GRAMD1B: variants seen among roughly 807,000 people sequenced by gnomAD.
GRAMD1B encodes the protein protein Aster-B.
Under a neutral mutation model 99.7 loss-of-function variants are expected in GRAMD1B, and 37 were observed. That is an observed-to-expected ratio of 0.37 (90% confidence interval 0.29 to 0.49). The LOEUF (loss-of-function observed/expected upper bound fraction) is 0.49, where lower values mean the gene tolerates loss of function less well. GRAMD1B is among the 20% of genes least tolerant of loss of function. GRAMD1B has a pLI of 0.98. For missense variants in GRAMD1B, 888 were observed against 1,009.2 expected, an observed-to-expected ratio of 0.88 and a Z score of 1.63; for synonymous variants, 427 against 387.6, an observed-to-expected ratio of 1.10 and a Z score of -1.19.
intron 7 of GRAMD1B, among the ~76,000 whole-genome samples, chr11:123,597,565 G>T (rs538652448): frequency 6.6e-6 from 1 of 152,198 alleles, no homozygotes; most frequent in East Asian, 1.9e-4. Flanking sequence ...AGCAACAAAG[G>T]AGGGTGGGGA....
chr11:123,386,285 G>T (rs1947054596), intron 1 of GRAMD1B, among the ~76,000 whole-genome samples: 1 of 152,024 alleles, frequency 6.6e-6, no homozygotes, highest in African/African-American at 2.4e-5. Flanking sequence ...GATTTGTAGG[G>T]GTGGCTTCCA....
At chr11:123,441,272 C>A (rs1311583542) in intron 1 of GRAMD1B, among the ~76,000 whole-genome samples, 1 of 152,078 alleles carries the variant, frequency 6.6e-6, no homozygotes, top group Non-Finnish European at 1.5e-5. Context: ...TGGCACCAAA[C>A]CTTTCATAAG....
intron 1 of GRAMD1B, among the ~76,000 whole-genome samples, chr11:123,419,918 C>A (rs1230463258): frequency 6.6e-6 from 1 of 152,024 alleles, no homozygotes; most frequent in South Asian, 2.1e-4. Context: ...GAATGGAACC[C>A]AGTGTCCTTG....
intron 2 of GRAMD1B, among the ~76,000 whole-genome samples, chr11:123,552,735 G>T (rs1041301977): frequency 2.0e-5 from 3 of 152,116 alleles, no homozygotes; most frequent in Non-Finnish European, 2.9e-5. Context: ...TTGCAGGTGT[G>T]CTCATTATCT....
intron 1 of GRAMD1B, among the ~76,000 whole-genome samples, chr11:123,383,101 T>C (rs1387804775): frequency 1.3e-5 from 2 of 152,280 alleles, no homozygotes; most frequent in South Asian, 2.1e-4. Flanking sequence ...CAGAGTTGAA[T>C]GTGTAATGGT....
chr11:123,530,317 G>A (rs755937308), intron 2 of GRAMD1B, among the ~76,000 whole-genome samples: 53 of 152,060 alleles, frequency 3.5e-4, no homozygotes, highest in Non-Finnish European at 6.6e-4. Flanking sequence ...TGGCAAGTGG[G>A]GTGCTGTTCA....
rs1955565852 is a variant in GRAMD1B at position 123,627,533 on chromosome 11, C to T, written c.*4938C>T. The T allele has an allele frequency of 6.6e-6, 1 of 152,362 alleles. No homozygotes were observed. The highest frequency in any genetic ancestry group is 6.5e-5 in the Admixed American group (1 of 15,286). 9.4% of individuals were successfully genotyped at this position (152,362 alleles called of 1,614,324 possible). A position where few individuals can be genotyped will look rare whatever the true frequency, so the allele number is the denominator to read the frequency against. ...GTGGGGTGAGGCAGAGGGAGCAGCC[C>T]CAACACCTGCACTGGGCCATCTATG... On this transcript the variant is annotated 3_prime_UTR_variant, in exon 20 of 20. Coordinates refer to ENST00000635736, the MANE Select transcript of GRAMD1B (RefSeq NM_001387025.1).
At chr11:123,392,968 T>C (rs1947332086) in intron 1 of GRAMD1B, among the ~76,000 whole-genome samples, 1 of 152,230 alleles carries the variant, frequency 6.6e-6, no homozygotes, top group Non-Finnish European at 1.5e-5. Context: ...GAATGCCTTT[T>C]GTATCTTCAG....
intron 16 of GRAMD1B, among the ~76,000 whole-genome samples, chr11:123,614,279 C>T (rs1057088626): frequency 2.0e-5 from 3 of 152,126 alleles, no homozygotes; most frequent in Non-Finnish European, 4.4e-5. Context: ...TGCCGCCTAG[C>T]TTTACCCCTA....
chr11:123,468,004 C>T (rs1950789012), intron 1 of GRAMD1B, among the ~76,000 whole-genome samples: 2 of 151,974 alleles, frequency 1.3e-5, no homozygotes, highest in African/African-American at 2.4e-5. Context: ...GCTGGGATTA[C>T]AGGCATGCCC....
intron 1 of GRAMD1B, among the ~76,000 whole-genome samples, chr11:123,450,206 T>C (rs1176502500): frequency 1.8e-4 from 27 of 152,174 alleles, no homozygotes; most frequent in Admixed American, 1.6e-3. Context: ...TAGGTTTTTT[T>C]CCCCACCAAA....
chr11:123,490,245 G>A (rs1271016637), intron 2 of GRAMD1B, among the ~76,000 whole-genome samples: 1 of 152,226 alleles, frequency 6.6e-6, no homozygotes, highest in Non-Finnish European at 1.5e-5. Flanking sequence ...GGGCCAAGGT[G>A]TAAGGCTTGG....
chr11:123,578,806 GC>G (rs1180748856), intron 3 of GRAMD1B, among the ~76,000 whole-genome samples: 4 of 152,280 alleles, frequency 2.6e-5, no homozygotes, highest in Admixed American at 6.5e-5. Flanking sequence ...TGTACTCCAG[GC>G]CCCTCCCCTT....
chr11:123,421,376 T>A (rs557011457), intron 1 of GRAMD1B, among the ~76,000 whole-genome samples: 5 of 152,374 alleles, frequency 3.3e-5, no homozygotes, highest in African/African-American at 1.2e-4. Flanking sequence ...GTTTGTTTTT[T>A]AATTATTCTC....
intron 2 of GRAMD1B, among the ~76,000 whole-genome samples, chr11:123,536,617 G>T (rs1565343378): frequency 1.3e-5 from 2 of 152,032 alleles, no homozygotes; most frequent in African/African-American, 2.4e-5. Context: ...AGAAAACATG[G>T]CTACAGTCCT....
chr11:123,383,924 G>T (rs531836967), intron 1 of GRAMD1B, among the ~76,000 whole-genome samples: 5 of 152,068 alleles, frequency 3.3e-5, no homozygotes, highest in African/African-American at 9.6e-5. Context: ...AGGCTGGAGT[G>T]CAGTGACGCG....
rs1938719002 is a variant in GRAMD1B at position 123,492,857 on chromosome 11, T to TCACACACAC, written c.452+11964_452+11965insCACACACAC. On this transcript the variant is annotated intron_variant, in intron 2 of 19. Coordinates refer to ENST00000635736, the MANE Select transcript of GRAMD1B (RefSeq NM_001387025.1). This position sits in a 1 kb window ranked among gnomAD's most constrained non-coding sequence, Gnocchi z 4.2. ...CCTCTCTCTCTCTCTGTCTCTCTCT[T>TCACACACAC]TCACACATACACACACACACACACA... Among the ~76,000 whole-genome samples the TCACACACAC allele has an allele frequency of 4.3e-5, 3 of 69,092 alleles. No homozygotes were observed. The highest frequency in any genetic ancestry group is 3.6e-4 in the African/African-American group (3 of 8,380). 45.3% of individuals were successfully genotyped at this position (69,092 alleles called of 152,430 possible). A position where few individuals can be genotyped will look rare whatever the true frequency, so the allele number is the denominator to read the frequency against.
chr11:123,430,708 G>A lies in GRAMD1B; in HGVS notation c.-85G>A, dbSNP rs890048247. Reference sequence around the variant, plus strand: ...CCCAGGATTGGGGAGTGTGCCGCGGGGCCGAGGGTGGGGAACAGCCAGAGG... The same window carrying A: ...CCCAGGATTGGGGAGTGTGCCGCGGAGCCGAGGGTGGGGAACAGCCAGAGG... On this transcript the variant is annotated 5_prime_UTR_variant, in exon 1 of 20. Transcript: ENST00000635736. The A allele has an allele frequency of 1.1e-4, 62 of 586,082 alleles. No homozygotes were observed. Among genetic ancestry groups the A allele is most frequent in the African/African-American group, 6.3e-4 (32 of 51,178 alleles). 36.3% of individuals were successfully genotyped at this position (586,082 alleles called of 1,614,324 possible).
chr11:123,446,090 A>T (rs1459155582), intron 1 of GRAMD1B, among the ~76,000 whole-genome samples: 1 of 152,156 alleles, frequency 6.6e-6, no homozygotes, highest in Admixed American at 6.6e-5. Context: ...TTGCTTCCAG[A>T]TTCCGAGGAA....
Sources: allele counts gnomAD v4.1 joint callset (sites outside exome capture counted in the v4.1 genomes callset), GRCh38; gene constraint gnomAD v4.1.1; non-coding constraint Gnocchi (gnomAD v3.1); transcripts MANE v1.5; gene names NCBI Gene and HGNC (gene_info 2026-07-23, HGNC 2026-07-21).